The following QTMAN variants were observed in gnomAD, a reference collection of about 807,000 sequenced individuals.
QTMAN encodes queuosine-tRNA mannosyltransferase, also known as tRNA-queuosine alpha-mannosyltransferase.
At chr2:144,234,754 G>C in the QTMAN span, among the ~76,000 whole-genome samples, 2 of 152,114 alleles carry the variant, frequency 1.3e-5, no homozygotes, top group Non-Finnish European at 2.9e-5. Flanking sequence ...TCTAATTTCC[G>C]GCAAAAGGAT....
At chr2:144,184,027 T>C in the QTMAN span, among the ~76,000 whole-genome samples, 1 of 152,150 alleles carries the variant, frequency 6.6e-6, no homozygotes, top group Non-Finnish European at 1.5e-5. Context: ...GCTGACCACA[T>C]GAAAGGAGAC....
At chr2:144,283,450 C>T in the QTMAN span, among the ~76,000 whole-genome samples, 4,071 of 152,028 alleles carry the variant, frequency 0.027, 173 homozygotes, top group African/African-American at 0.093. Flanking sequence ...ATTATACACA[C>T]GGCAAAAAAG....
At chr2:144,158,932 T>TA in the QTMAN span, among the ~76,000 whole-genome samples, 1 of 152,048 alleles carries the variant, frequency 6.6e-6, no homozygotes, top group Non-Finnish European at 1.5e-5. Flanking sequence ...ATCTTAACCA[T>TA]AAAATTACAT....
At chr2:144,056,848 T>C in the QTMAN span, among the ~76,000 whole-genome samples, 1 of 152,366 alleles carries the variant, frequency 6.6e-6, no homozygotes, top group African/African-American at 2.4e-5. Flanking sequence ...CAAGAGGTAG[T>C]GGTGCTGAAG....
At chr2:144,305,982 T>C in the QTMAN span, among the ~76,000 whole-genome samples, 7 of 152,364 alleles carry the variant, frequency 4.6e-5, no homozygotes, top group South Asian at 1.4e-3. Flanking sequence ...TAGAAGATCA[T>C]GTCATCTACA....
chr2:144,106,480 A>G, the QTMAN span, among the ~76,000 whole-genome samples: 3 of 152,232 alleles, frequency 2.0e-5, no homozygotes, highest in East Asian at 5.8e-4. Flanking sequence ...AACAGACTTT[A>G]AACCTACAAA....
the QTMAN span, among the ~76,000 whole-genome samples, chr2:144,057,329 AACT>A: frequency 1.1e-3 from 161 of 152,272 alleles, no homozygotes; most frequent in African/African-American, 3.7e-3. Flanking sequence ...ATGCTCTCAA[AACT>A]ACTATCCTTG....
chr2:144,278,473 G>A, the QTMAN span, among the ~76,000 whole-genome samples: 1 of 151,812 alleles, frequency 6.6e-6, no homozygotes, highest in Admixed American at 6.6e-5. Flanking sequence ...CACCTACTAC[G>A]GGCCAAGAGC....
the QTMAN span, among the ~76,000 whole-genome samples, chr2:143,954,141 T>C: frequency 6.6e-6 from 1 of 151,944 alleles, no homozygotes; most frequent in Non-Finnish European, 1.5e-5. Context: ...ATTCTTATTA[T>C]AAGCACAGCT....
At chr2:144,226,278 T>C in the QTMAN span, among the ~76,000 whole-genome samples, 1 of 152,180 alleles carries the variant, frequency 6.6e-6, no homozygotes, top group African/African-American at 2.4e-5. Flanking sequence ...ATACTTACAA[T>C]TTATTTAACA....
At chr2:144,202,506 C>G in the QTMAN span, among the ~76,000 whole-genome samples, 2 of 152,268 alleles carry the variant, frequency 1.3e-5, no homozygotes, top group Non-Finnish European at 2.9e-5. Context: ...GACTAATAGT[C>G]TCAATCATTA....
the QTMAN span, among the ~76,000 whole-genome samples, chr2:143,948,974 A>G: frequency 6.6e-6 from 1 of 152,136 alleles, no homozygotes; most frequent in Admixed American, 6.5e-5. Context: ...CAATGACTCA[A>G]CTGTAGACAT....
At chr2:144,172,891 G>T in the QTMAN span, among the ~76,000 whole-genome samples, 1 of 152,004 alleles carries the variant, frequency 6.6e-6, no homozygotes, top group African/African-American at 2.4e-5. Context: ...GTTGCGGGGT[G>T]GGGGGTAACC....
the QTMAN span, chr2:143,957,194 C>T: frequency 3.2e-6 from 5 of 1,584,198 alleles, no homozygotes; most frequent in East Asian, 1.1e-4. Flanking sequence ...AAAGAACTTA[C>T]ATTGCCACTC....
chr2:144,147,927 C>A, the QTMAN span, among the ~76,000 whole-genome samples: 1 of 151,454 alleles, frequency 6.6e-6, no homozygotes, highest in South Asian at 2.1e-4. Context: ...AAATATTCTG[C>A]AAAATAATTT....
At chr2:144,246,326 C>A in the QTMAN span, among the ~76,000 whole-genome samples, 7 of 151,968 alleles carry the variant, frequency 4.6e-5, no homozygotes, top group African/African-American at 1.5e-4. Flanking sequence ...GTAATCCCAG[C>A]ACTTTGGGAG....
At chr2:144,267,652 G>C in the QTMAN span, among the ~76,000 whole-genome samples, 3 of 152,182 alleles carry the variant, frequency 2.0e-5, no homozygotes, top group African/African-American at 7.2e-5. Flanking sequence ...TCTCAAGAAA[G>C]CTTCTTAGGA....
At chr2:144,052,800 C>A in the QTMAN span, among the ~76,000 whole-genome samples, 2 of 152,066 alleles carry the variant, frequency 1.3e-5, no homozygotes, top group East Asian at 1.9e-4. Flanking sequence ...TACAGGCATG[C>A]GCCACCACAC....
the QTMAN span, among the ~76,000 whole-genome samples, chr2:144,192,544 T>C: frequency 9.2e-5 from 14 of 152,324 alleles, 1 homozygote; most frequent in Admixed American, 9.2e-4. Context: ...TGCAGCATAT[T>C]TACCTTCAGT....
Sources: gnomAD v4.1 joint callset for allele counts (sites outside exome capture counted in the v4.1 genomes callset) on GRCh38, gnomAD v4.1.1 for gene constraint, MANE v1.5 for transcripts, NCBI Gene and HGNC (gene_info 2026-07-23, HGNC 2026-07-21) for gene names.